Variants in FKTN observed in about 807,000 individuals in gnomAD.
FKTN encodes the protein fukutin.
FKTN carries 47 observed loss-of-function variants against 58.6 expected under a neutral mutation model. That is an observed-to-expected ratio of 0.80 (90% CI 0.63 to 1.02). The LOEUF is 1.02. Among genes scored for constraint, FKTN ranks in the 50% least tolerant of loss-of-function variants. The pLI, the probability that FKTN is intolerant of heterozygous loss-of-function variation, is 0.00. For missense variants in FKTN, 516 were observed against 537.3 expected, an observed-to-expected ratio of 0.96 and a Z score of 0.39; for synonymous variants, 178 against 191.9, an observed-to-expected ratio of 0.93 and a Z score of 0.60.
At chr9:105,629,723 G>C (rs898399548) in intron 10 of FKTN, among the ~76,000 whole-genome samples, 12 of 152,238 alleles carry the variant, frequency 7.9e-5, no homozygotes, top group African/African-American at 2.9e-4. Flanking sequence ...TATACATGCT[G>C]CTCTAAAGAC....
chr9:105,583,794 G>A (rs1203298450), intron 3 of FKTN, among the ~76,000 whole-genome samples: 3 of 151,962 alleles, frequency 2.0e-5, no homozygotes, highest in Non-Finnish European at 4.4e-5. Flanking sequence ...ATATTTAACT[G>A]TATTTTTGTC....
chr9:105,636,261 T>C lies in FKTN; in HGVS notation c.*997T>C, dbSNP rs140418219. On this transcript the variant is annotated 3_prime_UTR_variant, in exon 11 of 11. Transcript: ENST00000357998. ...TAAAACATACTCTTTATTATCTTCA[T>C]TTATCAATTACAGCTTCGTATCTCT... 3.8e-5 allele frequency: 35 copies of C among 929,672 alleles called. No homozygotes were observed. In the African/African-American group the frequency reaches 5.7e-4, roughly 15 times the overall value. The allele number at this position is 929,672 out of a possible 1,614,324, so 57.6% of individuals were successfully genotyped here. A position where few individuals can be genotyped will look rare whatever the true frequency, so the allele number is the denominator to read the frequency against.
At chr9:105,631,560 C>A (rs1216874839) in intron 10 of FKTN, among the ~76,000 whole-genome samples, 1 of 151,874 alleles carries the variant, frequency 6.6e-6, no homozygotes, top group Non-Finnish European at 1.5e-5. Context: ...TGAACTCAAA[C>A]AAATTTACAA....
At chr9:105,613,057 C>T (rs1830209365) in intron 7 of FKTN, among the ~76,000 whole-genome samples, 3 of 152,104 alleles carry the variant, frequency 2.0e-5, no homozygotes, top group Admixed American at 2.0e-4. Flanking sequence ...GCAGTACCAG[C>T]AGCAGGTAAC....
chr9:105,640,243 A>C lies in FKTN; in HGVS notation c.*4979A>C. 7.4e-7 allele frequency: 1 copy of C among 1,345,174 alleles called. No homozygotes were observed. Among genetic ancestry groups the C allele is most frequent in the Non-Finnish European group, 9.8e-7 (1 of 1,023,144 alleles). 83.3% of individuals were successfully genotyped at this position (1,345,174 alleles called of 1,614,324 possible). A position where few individuals can be genotyped will look rare whatever the true frequency, so the allele number is the denominator to read the frequency against. Reference sequence around the variant, plus strand: ...CTGTGCTTAAAGGAGGCAAGTATAAATTTTCTAATAAGAAATCCCTGCTTC... The same window carrying C: ...CTGTGCTTAAAGGAGGCAAGTATAACTTTTCTAATAAGAAATCCCTGCTTC... On this transcript the variant is annotated 3_prime_UTR_variant, in exon 11 of 11. Transcript: ENST00000357998.
At chr9:105,565,003 TAAAGA>T (rs1488630648) in intron 1 of FKTN, among the ~76,000 whole-genome samples, 1 of 152,160 alleles carries the variant, frequency 6.6e-6, no homozygotes, top group African/African-American at 2.4e-5. Context: ...TCAACATTCT[TAAAGA>T]AAAGAATCTT....
chr9:105,584,479 CATT>C (rs947816962), intron 3 of FKTN, among the ~76,000 whole-genome samples: 11 of 151,806 alleles, frequency 7.2e-5, no homozygotes, highest in Non-Finnish European at 1.5e-4. Flanking sequence ...AATAGGTAGA[CATT>C]ATAACATCTA....
At chr9:105,581,437 C>G (rs1236447694) in intron 3 of FKTN, among the ~76,000 whole-genome samples, 2 of 149,610 alleles carry the variant, frequency 1.3e-5, no homozygotes, top group African/African-American at 2.5e-5. Context: ...TGTGAGGTGT[C>G]AGTGTGCCCC....
intron 7 of FKTN, among the ~76,000 whole-genome samples, chr9:105,613,788 C>T (rs1025302319): frequency 2.8e-4 from 42 of 152,158 alleles, no homozygotes; most frequent in African/African-American, 1.0e-3. Flanking sequence ...ATTCATTTGT[C>T]TTTGTATATC....
intron 7 of FKTN, among the ~76,000 whole-genome samples, chr9:105,611,671 T>C (rs1829936084): frequency 6.6e-6 from 1 of 152,186 alleles, no homozygotes; most frequent in African/African-American, 2.4e-5. Context: ...GCAAAGAACA[T>C]GATCTTGTTC....
intron 1 of FKTN, among the ~76,000 whole-genome samples, chr9:105,559,678 C>G (rs541595654): frequency 5.1e-4 from 77 of 149,842 alleles, no homozygotes; most frequent in African/African-American, 1.9e-3. Context: ...GAGCGAAACT[C>G]TGTCTCAAAA....
chr9:105,577,677 T>G (rs929839951), intron 3 of FKTN, among the ~76,000 whole-genome samples: 21 of 151,312 alleles, frequency 1.4e-4, no homozygotes, highest in African/African-American at 4.9e-4. Flanking sequence ...CCTATGAACT[T>G]TAAAGTAGTT....
At chr9:105,577,383 A>T in intron 3 of FKTN, among the ~76,000 whole-genome samples, 2 of 137,056 alleles carry the variant, frequency 1.5e-5, no homozygotes, top group South Asian at 5.1e-4. Context: ...AGCTTTCTAC[A>T]TATGGCTAGC....
At chr9:105,592,095 G>T (rs1844992569) in intron 3 of FKTN, among the ~76,000 whole-genome samples, 1 of 152,186 alleles carries the variant, frequency 6.6e-6, no homozygotes, top group Non-Finnish European at 1.5e-5. Flanking sequence ...TACCTCCAAG[G>T]TCTTTGAAAT....
intron 1 of FKTN, among the ~76,000 whole-genome samples, chr9:105,561,286 A>G (rs1838260194): frequency 6.6e-6 from 1 of 152,132 alleles, no homozygotes; most frequent in African/African-American, 2.4e-5. Context: ...AAAAAAATAA[A>G]AACTTGTGTT....
At chr9:105,589,890 A>G (rs1014061760) in intron 3 of FKTN, among the ~76,000 whole-genome samples, 7 of 152,220 alleles carry the variant, frequency 4.6e-5, no homozygotes, top group Non-Finnish European at 7.3e-5. Flanking sequence ...ATAGAGATCA[A>G]TGTGGCTGTA....
At chr9:105,603,424 G>A (rs1411670175) in intron 5 of FKTN, among the ~76,000 whole-genome samples, 2 of 152,134 alleles carry the variant, frequency 1.3e-5, no homozygotes, top group African/African-American at 4.8e-5. Flanking sequence ...AATTTCTAAT[G>A]ATTTGCATTA....
intron 3 of FKTN, among the ~76,000 whole-genome samples, chr9:105,584,539 A>G (rs1843576215): frequency 6.6e-6 from 1 of 152,076 alleles, no homozygotes; most frequent in Admixed American, 6.6e-5. Context: ...AAATATATGG[A>G]GTGGGTGCAG....
chr9:105,592,934 T>G (rs1240209357), intron 3 of FKTN, among the ~76,000 whole-genome samples: 5 of 152,208 alleles, frequency 3.3e-5, no homozygotes, highest in African/African-American at 9.6e-5. Context: ...CCCTCCAAAC[T>G]TTCCCTTTGC....
Sources: gnomAD v4.1 joint callset for allele counts (sites outside exome capture counted in the v4.1 genomes callset) on GRCh38, gnomAD v4.1.1 for gene constraint, MANE v1.5 for transcripts, NCBI Gene and HGNC (gene_info 2026-07-23, HGNC 2026-07-21) for gene names.